DCAF1: variants seen among roughly 807,000 people sequenced by gnomAD.
The protein encoded by DCAF1 is DDB1- and CUL4-associated factor 1.
In DCAF1, 15 loss-of-function variants were observed where a neutral mutation model predicts 128.0. The observed-to-expected ratio is 0.12, with a 90% confidence interval of 0.08 to 0.18. The LOEUF (loss-of-function observed/expected upper bound fraction) is 0.18, where lower values mean the gene tolerates loss of function less well. DCAF1 is among the 10% of genes least tolerant of loss of function. The pLI, the probability that DCAF1 is intolerant of heterozygous loss-of-function variation, is 1.00. For missense variants in DCAF1, 988 were observed against 1,649.5 expected, an observed-to-expected ratio of 0.60 and a Z score of 6.95; for synonymous variants, 610 against 603.0, an observed-to-expected ratio of 1.01 and a Z score of -0.17.
chr3:51,481,095 T>A (rs782731497), intron 3 of DCAF1, among the ~76,000 whole-genome samples: 2 of 152,160 alleles, frequency 1.3e-5, no homozygotes, highest in Non-Finnish European at 2.9e-5. Flanking sequence ...ATCCCCAATA[T>A]CATAGCTGTG....
At chr3:51,438,902 C>T (rs550563891) in intron 9 of DCAF1, among the ~76,000 whole-genome samples, 10 of 152,138 alleles carry the variant, frequency 6.6e-5, no homozygotes, top group Non-Finnish European at 1.2e-4. Context: ...TGAGCCACCG[C>T]GCTGCGCCGA....
rs1292107522 is a variant in DCAF1, at chr3:51,496,744, T to C, written c.-19A>G. On this transcript the variant is annotated 5_prime_UTR_variant, in exon 2 of 25. Transcript: ENST00000684031. ...ACTCTGCTGACATACCTGTGAAGTC[T>C]TGGTTATTTAACTTCTCCAAATCTC... Among the ~76,000 whole-genome samples, 1 of 152,134 alleles carries C rather than the reference T, an allele frequency of 6.6e-6. No individual in the cohort carries two copies. Among genetic ancestry groups the C allele is most frequent in the Non-Finnish European group, 1.5e-5 (1 of 68,026 alleles).
chr3:51,478,889 C>T (rs1705811388), intron 3 of DCAF1, among the ~76,000 whole-genome samples: 2 of 152,026 alleles, frequency 1.3e-5, no homozygotes, highest in African/African-American at 2.4e-5. Flanking sequence ...TCACATGTTC[C>T]CCATGTATTA....
chr3:51,444,479 T>C (rs1239090592), intron 6 of DCAF1, among the ~76,000 whole-genome samples: 1 of 152,036 alleles, frequency 6.6e-6, no homozygotes, highest in Admixed American at 6.6e-5. Flanking sequence ...GCCTCCTGAA[T>C]ACCTTGGACT....
At chr3:51,455,820 C>T (rs1266243738) in intron 6 of DCAF1, among the ~76,000 whole-genome samples, 2 of 151,954 alleles carry the variant, frequency 1.3e-5, no homozygotes, top group Non-Finnish European at 2.9e-5. Flanking sequence ...TCACTGGAAC[C>T]TGGGAGGCGG....
At chr3:51,454,403 C>T (rs1266564511) in intron 6 of DCAF1, among the ~76,000 whole-genome samples, 6 of 152,090 alleles carry the variant, frequency 3.9e-5, no homozygotes, top group Non-Finnish European at 7.3e-5. Context: ...ACTCTGTCAC[C>T]CAGAGTGGAG....
chr3:51,501,230 T>G (rs1033802512), upstream of DCAF1, among the ~76,000 whole-genome samples: 1 of 152,216 alleles, frequency 6.6e-6, no homozygotes, highest in Admixed American at 6.5e-5. Flanking sequence ...AAGGCAGGAC[T>G]GACCTCACAG....
At chr3:51,445,608 A>C (rs113293122) in intron 6 of DCAF1, among the ~76,000 whole-genome samples, 16 of 152,300 alleles carry the variant, frequency 1.1e-4, no homozygotes, top group African/African-American at 3.8e-4. Context: ...ATACTCTGCT[A>C]TTTTATTGGC....
In DCAF1 at chr3:51,441,739, A is replaced by G. The variant is rs1701376306; in HGVS notation, c.672T>C (p.Asp224=). Residue 224 remains aspartate (D), a synonymous_variant, in exon 8 of 25, where the codon GAT becomes GAC. Transcript: ENST00000684031. ...VDMDYGDMAV[D]VVDGDQEEAS... is the part of the protein sequence containing the mutation. Reference sequence around the variant, plus strand: ...CTTCCTCTTGGTCTCCATCCACTACATCTACAGCCATGTCACCATAGTCCA... The same window carrying G: ...CTTCCTCTTGGTCTCCATCCACTACGTCTACAGCCATGTCACCATAGTCCA... The G allele has an allele frequency of 1.2e-6, 2 of 1,613,810 alleles. No individual in the cohort carries two copies. Among genetic ancestry groups the G allele is most frequent in the Non-Finnish European group, 1.7e-6 (2 of 1,179,884 alleles).
chr3:51,415,119 C>A (rs1698762961), intron 18 of DCAF1, among the ~76,000 whole-genome samples: 1 of 152,118 alleles, frequency 6.6e-6, no homozygotes, highest in African/African-American at 2.4e-5. Context: ...CCTCATTTGG[C>A]AACTCCTAAA....
chr3:51,430,089 G>C lies in DCAF1; in HGVS notation c.1411C>G (p.Arg471Gly), dbSNP rs1559501811. Residue 471 changes from arginine to glycine, a missense_variant, in exon 11 of 25, where the codon CGG becomes GGG. By Grantham distance (125) the Arg-to-Gly change is moderately radical. Coordinates refer to ENST00000684031, the MANE Select transcript of DCAF1 (RefSeq NM_001387579.1). The part of the protein sequence containing the change: ...TMFFSICFSF[R>G]AVLELFDRYD... ...CGGTCAAAGAGCTCCAAGACGGCCC[G>C]AAATGAGAAGCAAATTGAAAAAAAC... 1 of 780,672 alleles carries C rather than the reference G, an allele frequency of 1.3e-6. No homozygotes were observed. The highest frequency in any genetic ancestry group is 1.3e-5 in the South Asian group (1 of 74,590). The allele number at this position is 780,672 out of a possible 1,614,324, so 48.4% of individuals were successfully genotyped here.
intron 10 of DCAF1, among the ~76,000 whole-genome samples, chr3:51,432,528 G>C (rs1315389061): frequency 1.3e-5 from 2 of 151,396 alleles, no homozygotes; most frequent in African/African-American, 4.9e-5. Flanking sequence ...CCACAGTCTC[G>C]GCTCACTGCA....
intron 6 of DCAF1, among the ~76,000 whole-genome samples, chr3:51,462,053 A>G (rs1382354762): frequency 2.6e-5 from 4 of 152,034 alleles, no homozygotes; most frequent in Admixed American, 2.0e-4. Context: ...CCTAAAACTT[A>G]AAGTATAATA....
intron 4 of DCAF1, among the ~76,000 whole-genome samples, chr3:51,468,791 T>C (rs1553647386): frequency 1.3e-5 from 2 of 152,176 alleles, no homozygotes; most frequent in African/African-American, 4.8e-5. Flanking sequence ...GAGGAAAAAA[T>C]TGCTTTGTAA....
In DCAF1 at chr3:51,403,475, G is replaced by C. The variant is rs1191782081; in HGVS notation, c.4213-80C>G. The C allele has an allele frequency of 4.6e-6, 7 of 1,514,378 alleles. No homozygotes were observed. In the African/African-American group the frequency reaches 9.7e-5, roughly 21 times the overall value. The allele number at this position is 1,514,378 out of a possible 1,614,324, so 93.8% of individuals were successfully genotyped here. A position where few individuals can be genotyped will look rare whatever the true frequency, so the allele number is the denominator to read the frequency against. ...GGCCACATGGCGGGTCGACCAAAGA[G>C]ACAGGGTAGGAAACTGTCAGTAGAG... On this transcript the variant is annotated intron_variant, in intron 23 of 24. Transcript: ENST00000684031.
rs373002372 is a variant in DCAF1 at position 51,413,417 on chromosome 3, T to C, written c.3932-31A>G. On this transcript the variant is annotated intron_variant, in intron 20 of 24. Transcript: ENST00000684031. ...GGGGGAGTGGGGGAGGAAACACTATTAGGAATCACAAACATCCCCTCTTCA... is the reference window on the plus strand; with the variant it reads ...GGGGGAGTGGGGGAGGAAACACTATCAGGAATCACAAACATCCCCTCTTCA... 1.3e-4 allele frequency: 213 copies of C among 1,594,854 alleles called. No individual in the cohort carries two copies. The African/African-American group carries it at 2.7e-3, about 20-fold the overall frequency.
intron 6 of DCAF1, among the ~76,000 whole-genome samples, chr3:51,458,594 A>G (rs1205368968): frequency 1.3e-5 from 2 of 152,336 alleles, no homozygotes; most frequent in South Asian, 2.1e-4. Flanking sequence ...TCTCTACCCC[A>G]AATCAACAGA....
intron 6 of DCAF1, among the ~76,000 whole-genome samples, chr3:51,453,901 C>T (rs1702605409): frequency 1.3e-5 from 2 of 150,868 alleles, no homozygotes; most frequent in African/African-American, 4.9e-5. Context: ...TGCAGTGGCC[C>T]GAGATCGCGC....
intron 23 of DCAF1, among the ~76,000 whole-genome samples, chr3:51,408,653 C>T (rs1553627441): frequency 1.3e-5 from 2 of 152,172 alleles, no homozygotes; most frequent in Non-Finnish European, 2.9e-5. Context: ...AGCCAAACTC[C>T]ACCACAAGAT....
Sources: allele counts gnomAD v4.1 joint callset (sites outside exome capture counted in the v4.1 genomes callset), GRCh38; gene constraint gnomAD v4.1.1; transcripts MANE v1.5; gene names NCBI Gene and HGNC (gene_info 2026-07-23, HGNC 2026-07-21).